The following SRFBP1 variants were observed in gnomAD, a reference collection of about 807,000 sequenced individuals.
SRFBP1 encodes serum response factor binding protein 1, also known as serum response factor-binding protein 1.
In SRFBP1, 47 loss-of-function variants were observed where a neutral mutation model predicts 45.5. The observed-to-expected ratio is 1.03, with a 90% CI of 0.82 to 1.32. The LOEUF (loss-of-function observed/expected upper bound fraction) is 1.32. SRFBP1 is among the 40% of genes most tolerant of loss of function. The probability of loss-of-function intolerance (pLI) is 0.00; values close to 1 mark genes in which losing one functional copy is unlikely to be tolerated. For synonymous variants in SRFBP1, 203 were observed against 166.3 expected (o/e 1.22, Z -1.70); for missense variants, 621 against 484.6 (o/e 1.28, Z -2.64).
chr5:122,001,032 A>G (rs551405777), intron 4 of SRFBP1, among the ~76,000 whole-genome samples: 7 of 152,190 alleles, frequency 4.6e-5, no homozygotes, highest in Non-Finnish European at 8.8e-5. Context: ...AAATACTTCA[A>G]TGAGATCACC....
At chr5:122,048,316 T>C (rs887717552) in intron 2 of SRFBP1, among the ~76,000 whole-genome samples, 6 of 152,214 alleles carry the variant, frequency 3.9e-5, no homozygotes, top group African/African-American at 1.4e-4. Context: ...ATGGTTTTTG[T>C]CGTTGGTTCT....
chr5:121,983,151 T>G (rs1322543304), intron 3 of SRFBP1, among the ~76,000 whole-genome samples: 1 of 133,722 alleles, frequency 7.5e-6, no homozygotes, highest in Non-Finnish European at 1.8e-5. Flanking sequence ...GTTCTTTTTG[T>G]TTTTTTTTCA....
At chr5:122,036,232 T>C (rs1301519960) in intron 2 of SRFBP1, among the ~76,000 whole-genome samples, 1 of 152,146 alleles carries the variant, frequency 6.6e-6, no homozygotes, top group African/African-American at 2.4e-5. Flanking sequence ...TCAGCTAGTT[T>C]TATCTAAGTG....
intron 7 of SRFBP1, 136 bp downstream of exon 7, chr5:122,022,543 C>A (rs1753383301): frequency 3.2e-6 from 2 of 630,938 alleles, no homozygotes; most frequent in Non-Finnish European, 4.9e-6. Flanking sequence ...GAGCATCTTA[C>A]AATTATCAAT....
At chr5:121,988,407 T>G (rs759653158) in intron 3 of SRFBP1, among the ~76,000 whole-genome samples, 6 of 152,154 alleles carry the variant, frequency 3.9e-5, no homozygotes, top group Non-Finnish European at 5.9e-5. Context: ...CACAAAAAGT[T>G]TATTACTCTT....
chr5:122,050,530 G>A (rs1371308996), intron 2 of SRFBP1, among the ~76,000 whole-genome samples: 2 of 152,098 alleles, frequency 1.3e-5, no homozygotes, highest in Admixed American at 6.5e-5. Flanking sequence ...TGGGTGCATA[G>A]AAGTGTTCAT....
intron 4 of SRFBP1, among the ~76,000 whole-genome samples, chr5:121,995,944 T>C (rs1439754687): frequency 4.6e-5 from 7 of 151,884 alleles, no homozygotes; most frequent in African/African-American, 1.7e-4. Flanking sequence ...ACACATACAC[T>C]CTCCCAAGAC....
rs752788762 is a variant in SRFBP1 at position 121,974,232 on chromosome 5, G to A, written c.73G>A (p.Val25Ile). The change falls in exon 2 of 8, where the codon GTT (valine) becomes ATT (isoleucine). Residue 25 changes from valine to isoleucine, a missense_variant. Transcript: ENST00000339397. Reference protein sequence around the residue: ...KMRKEVKRIRVLVIRKLVRSV... With the variant: ...KMRKEVKRIRILVIRKLVRSV... ...GAGAAAAGAAGTGAAGAGAATTCGA[G>A]TTTTAGTTATCCGAAAACTTGTCAG... The A allele has an allele frequency of 6.2e-7, 1 of 1,611,538 alleles. No individual in the cohort carries two copies. Among genetic ancestry groups the A allele is most frequent in the Non-Finnish European group, 8.5e-7 (1 of 1,178,216 alleles).
In SRFBP1 at chr5:121,984,506, A is replaced by G. The variant is rs115151861; in HGVS notation, c.198+9119A>G. The stretch of plus-strand genomic sequence containing the variant: ...CAGCACATAGAAGGCTTTCTGTGAA[A>G]TTTCTGTGACATGTTTCAAATATAA... On this transcript the variant is annotated intron_variant, in intron 3 of 7. Transcript: ENST00000339397. Among the ~76,000 whole-genome samples, 255 of 151,902 alleles carry G rather than the reference A, an allele frequency of 1.7e-3. 1 individual carries two copies. The highest frequency in any genetic ancestry group is 5.9e-3 in the African/African-American group (247 of 41,516).
chr5:122,010,637 TA>T (rs80045328), intron 4 of SRFBP1, among the ~76,000 whole-genome samples: 38,464 of 152,020 alleles, frequency 0.25, 6,053 homozygotes, highest in African/African-American at 0.45. Flanking sequence ...CACTTACACT[TA>T]ATGTTCCTTC....
intron 2 of SRFBP1, among the ~76,000 whole-genome samples, chr5:121,974,774 G>C (rs1461074732): frequency 2.0e-5 from 3 of 151,772 alleles, no homozygotes; most frequent in Non-Finnish European, 4.4e-5. Flanking sequence ...TGTATTTTCA[G>C]TATCACTAGT....
intron 4 of SRFBP1, among the ~76,000 whole-genome samples, chr5:122,008,534 A>T (rs1360324700): frequency 6.6e-6 from 1 of 152,188 alleles, no homozygotes; most frequent in Non-Finnish European, 1.5e-5. Context: ...CTTGAGTAGT[A>T]TAAAACTGTC....
At position 122,020,269 on chromosome 5, in the gene SRFBP1, G is replaced by T; in HGVS notation, c.534G>T (p.Lys178Asn). Residue 178 changes from lysine to asparagine, a missense_variant, in exon 6 of 8, where the codon AAG (lysine) becomes AAT (asparagine). Coordinates refer to ENST00000339397, the MANE Select transcript of SRFBP1 (RefSeq NM_152546.3). Reference protein sequence around the residue: ...QKVKETKILAKKPIHNSKEKI... With the variant: ...QKVKETKILANKPIHNSKEKI... The stretch of plus-strand genomic sequence containing the variant: ...TCAAAGAAACCAAAATATTGGCGAA[G>T]AAACCAATACATAATTCAAAGGAAA... 1.9e-6 allele frequency: 3 copies of T among 1,612,622 alleles called. No individual in the cohort carries two copies. The highest frequency in any genetic ancestry group is 2.5e-6 in the Non-Finnish European group (3 of 1,179,634).
At chr5:122,077,881 C>T (rs1363519852), downstream of SRFBP1, 3 of 1,534,798 alleles carry the variant, frequency 2.0e-6, no homozygotes, top group Admixed American at 4.2e-5. The surrounding 1 kb of genome is among the most constrained non-coding windows in gnomAD (Gnocchi z 4.9). Flanking sequence ...GAGCCGCCGG[C>T]GGCTCGCGCG....
intron 1 of SRFBP1, among the ~76,000 whole-genome samples, chr5:121,962,826 G>T (rs768817854): frequency 2.2e-4 from 34 of 152,198 alleles, no homozygotes; most frequent in Non-Finnish European, 3.1e-4. Flanking sequence ...GGACCTCACA[G>T]TTAGATACAG....
chr5:121,980,108 G>C (rs967785007), intron 3 of SRFBP1, among the ~76,000 whole-genome samples: 1 of 152,086 alleles, frequency 6.6e-6, no homozygotes, highest in Non-Finnish European at 1.5e-5. Context: ...TAGATCCCAA[G>C]ACAGCTACTT....
At position 122,027,181 on chromosome 5, in the gene SRFBP1, G is replaced by C; in HGVS notation, c.*55G>C. ...CTAAAAAAAAAAATGTTTTTTTTAA[G>C]ACAGGATCTCATTCTGTTGCCCAGA... On this transcript the variant is annotated 3_prime_UTR_variant, in exon 8 of 8. Coordinates refer to ENST00000339397, the MANE Select transcript of SRFBP1 (RefSeq NM_152546.3). The C allele has an allele frequency of 7.1e-7, 1 of 1,415,940 alleles. No homozygotes were observed. Among genetic ancestry groups the C allele is most frequent in the Non-Finnish European group, 9.7e-7 (1 of 1,034,334 alleles). The allele number at this position is 1,415,940 out of a possible 1,614,324, so 87.7% of individuals were successfully genotyped here.
chr5:122,011,439 T>C (rs1753093763), intron 4 of SRFBP1, among the ~76,000 whole-genome samples: 1 of 152,118 alleles, frequency 6.6e-6, no homozygotes, highest in South Asian at 2.1e-4. Context: ...TACCTCCCGA[T>C]ATTGGGAAGA....
At chr5:121,963,802 T>C (rs1752002444) in intron 1 of SRFBP1, among the ~76,000 whole-genome samples, 1 of 151,070 alleles carries the variant, frequency 6.6e-6, no homozygotes, top group Admixed American at 6.6e-5. Flanking sequence ...GTGAAGGAGA[T>C]AAAAAGGACA....
Sources: allele counts gnomAD v4.1 joint callset (sites outside exome capture counted in the v4.1 genomes callset), GRCh38; gene constraint gnomAD v4.1.1; non-coding constraint Gnocchi (gnomAD v3.1); transcripts MANE v1.5; gene names NCBI Gene and HGNC (gene_info 2026-07-23, HGNC 2026-07-21).